The following RAPGEF2 variants were observed in gnomAD, a reference collection of about 807,000 sequenced individuals.
The protein encoded by RAPGEF2 is Rap guanine nucleotide exchange factor 2.
In RAPGEF2, 54 loss-of-function variants were observed where a neutral mutation model predicts 186.7. The observed-to-expected ratio is 0.29, with a 90% CI of 0.23 to 0.36. The LOEUF is 0.36. Among genes scored for constraint, RAPGEF2 ranks in the 10% least tolerant of loss-of-function variants. RAPGEF2 has a pLI of 1.00. For missense variants in RAPGEF2, 1,532 were observed against 2,045.0 expected, an observed-to-expected ratio of 0.75 and a Z score of 4.84; for synonymous variants, 712 against 705.9, an observed-to-expected ratio of 1.01 and a Z score of -0.14.
At chr4:159,107,259 A>G (rs1737984319) in intron 1 of RAPGEF2, among the ~76,000 whole-genome samples, 1 of 152,160 alleles carries the variant, frequency 6.6e-6, no homozygotes, top group Non-Finnish European at 1.5e-5. Context: ...TTATTTAACC[A>G]TTTGGGTTTA....
chr4:159,200,633 A>G (rs1304618619), intron 3 of RAPGEF2, among the ~76,000 whole-genome samples: 1 of 152,168 alleles, frequency 6.6e-6, no homozygotes, highest in Non-Finnish European at 1.5e-5. Context: ...AATGTCTTCA[A>G]TATTTTCATC....
intron 1 of RAPGEF2, among the ~76,000 whole-genome samples, chr4:159,118,375 G>A (rs969439556): frequency 2.6e-5 from 4 of 152,004 alleles, no homozygotes; most frequent in African/African-American, 9.7e-5. Context: ...ACAAGCTCAG[G>A]GCTCGTGCTG....
intron 23 of RAPGEF2, 134 bp from the exon 24 acceptor site, chr4:159,344,972 G>A (rs756097648): frequency 1.5e-6 from 1 of 671,724 alleles, no homozygotes. Context: ...ATATTCCTGT[G>A]TAACAGTTTA....
At chr4:159,260,832 T>C (rs1162937452) in intron 7 of RAPGEF2, among the ~76,000 whole-genome samples, 2 of 152,176 alleles carry the variant, frequency 1.3e-5, no homozygotes, top group Non-Finnish European at 2.9e-5. Context: ...CACCACAACC[T>C]CCGCCTCCCA....
chr4:159,186,334 G>A (rs140571996), intron 1 of RAPGEF2, among the ~76,000 whole-genome samples: 1 of 152,018 alleles, frequency 6.6e-6, no homozygotes, highest in East Asian at 1.9e-4. Flanking sequence ...TTAAAACTTT[G>A]TACTTGCTAT....
chr4:159,269,362 G>A (rs1245658249), intron 7 of RAPGEF2, among the ~76,000 whole-genome samples: 4 of 152,162 alleles, frequency 2.6e-5, no homozygotes, highest in South Asian at 2.1e-4. Context: ...ACGCTGCACC[G>A]AGAGCCCAGC....
At chr4:159,142,451 A>G (rs77219714) in intron 1 of RAPGEF2, among the ~76,000 whole-genome samples, 2,168 of 152,012 alleles carry the variant, frequency 0.014, 59 homozygotes, top group African/African-American at 0.05. Context: ...TCTACATTTC[A>G]TGAGTCAGTT....
At chr4:159,351,471 T>C (rs1358064597) in intron 26 of RAPGEF2, among the ~76,000 whole-genome samples, 1 of 152,192 alleles carries the variant, frequency 6.6e-6, no homozygotes, top group African/African-American at 2.4e-5. Flanking sequence ...TGAAAGAACA[T>C]ACTTAAACTG....
chr4:159,118,857 T>C (rs1018298479), intron 1 of RAPGEF2, among the ~76,000 whole-genome samples: 2 of 152,200 alleles, frequency 1.3e-5, no homozygotes, highest in Admixed American at 6.5e-5. Context: ...AGTGCTGGTA[T>C]TACAGGCATG....
chr4:159,338,097 AAACAAACAAAAAC>A (rs1461583909), intron 17 of RAPGEF2, among the ~76,000 whole-genome samples: 1 of 151,358 alleles, frequency 6.6e-6, no homozygotes, highest in Non-Finnish European at 1.5e-5. Context: ...ATCTAAAAAC[AAACAAACAAAAAC>A]AAAAAACAAA....
At chr4:159,166,373 G>A (rs1745318593) in intron 1 of RAPGEF2, among the ~76,000 whole-genome samples, 1 of 152,192 alleles carries the variant, frequency 6.6e-6, no homozygotes, top group South Asian at 2.1e-4. Context: ...AACCCTCAGG[G>A]CTCTGGCAAT....
intron 1 of RAPGEF2, among the ~76,000 whole-genome samples, chr4:159,143,188 C>G (rs373471544): frequency 6.6e-6 from 1 of 151,994 alleles, no homozygotes; most frequent in Non-Finnish European, 1.5e-5. Flanking sequence ...GATGATCGCT[C>G]CTCTGCATAG....
chr4:159,342,899 T>C, intron 20 of RAPGEF2, 80 bp from the exon 21 acceptor site: 1 of 1,225,276 alleles, frequency 8.2e-7, no homozygotes, highest in Non-Finnish European at 1.2e-6. Flanking sequence ...AGCATAAACA[T>C]AGAGATGTTA....
intron 4 of RAPGEF2, among the ~76,000 whole-genome samples, chr4:159,211,497 A>G (rs956308133): frequency 5.9e-5 from 9 of 152,262 alleles, no homozygotes; most frequent in African/African-American, 2.2e-4. Flanking sequence ...TAGCTCTTCT[A>G]TAAAAATATT....
chr4:159,303,041 A>C (rs1435546332), intron 7 of RAPGEF2, among the ~76,000 whole-genome samples: 1 of 152,186 alleles, frequency 6.6e-6, no homozygotes, highest in Non-Finnish European at 1.5e-5. Context: ...TGTATCCAAT[A>C]AAGTTATTAT....
chr4:159,271,766 C>T (rs920383210), intron 7 of RAPGEF2, among the ~76,000 whole-genome samples: 7 of 152,112 alleles, frequency 4.6e-5, no homozygotes, highest in African/African-American at 7.2e-5. Context: ...TTTCCTGCAG[C>T]TATCTTTTTC....
chr4:159,123,682 C>A (rs975728032), intron 1 of RAPGEF2, among the ~76,000 whole-genome samples: 1 of 151,598 alleles, frequency 6.6e-6, no homozygotes, highest in African/African-American at 2.4e-5. Context: ...CCGCGCCCGG[C>A]TAATTTTTTG....
intron 9 of RAPGEF2, among the ~76,000 whole-genome samples, chr4:159,320,716 C>G (rs763517835): frequency 4.6e-5 from 7 of 152,034 alleles, no homozygotes; most frequent in Non-Finnish European, 8.8e-5. Flanking sequence ...AATGTTGTAT[C>G]TGGGAAAATA....
At chr4:159,251,994 C>T (rs1477551731) in intron 7 of RAPGEF2, among the ~76,000 whole-genome samples, 6 of 152,058 alleles carry the variant, frequency 3.9e-5, no homozygotes, top group African/African-American at 1.4e-4. Context: ...GACCACGAAC[C>T]CACCAGAAGG....
Sources: gnomAD v4.1 joint callset for allele counts (sites outside exome capture counted in the v4.1 genomes callset) on GRCh38, gnomAD v4.1.1 for gene constraint, MANE v1.5 for transcripts, NCBI Gene and HGNC (gene_info 2026-07-23, HGNC 2026-07-21) for gene names.